The following AK8 variants were observed in gnomAD, a reference collection of about 807,000 sequenced individuals.
AK8 encodes ATP-AMP transphosphorylase 8.
Under a neutral mutation model 54.6 loss-of-function variants are expected in AK8, and 44 were observed. The observed-to-expected ratio is 0.81, with a 90% CI of 0.63 to 1.04. AK8 has a LOEUF of 1.04. Ranked by LOEUF, AK8 falls within the 50% of genes least tolerant of loss-of-function variation. AK8 has a pLI of 0.00. For missense variants in AK8, 555 were observed against 613.6 expected (o/e 0.90, Z 1.01); for synonymous variants, 239 against 245.6 (o/e 0.97, Z 0.25).
intron 9 of AK8, among the ~76,000 whole-genome samples, chr9:132,817,901 G>C (rs399049): frequency 0.2 from 30,989 of 152,098 alleles, 3,450 homozygotes; most frequent in East Asian, 0.44. Flanking sequence ...CACAAAGTAA[G>C]TCACACTTCG....
intron 5 of AK8, among the ~76,000 whole-genome samples, chr9:132,829,839 G>A (rs1842034948): frequency 6.6e-6 from 1 of 152,216 alleles, no homozygotes; most frequent in Non-Finnish European, 1.5e-5. Context: ...ACTGGCGTGA[G>A]CCACTGTGCC....
chr9:132,814,545 AT>A, intron 10 of AK8, 92 bp downstream of exon 10: 1 of 1,287,036 alleles, frequency 7.8e-7, no homozygotes, highest in Non-Finnish European at 1.1e-6. Context: ...GTTCTCCCCA[AT>A]TTTGAGCCCC....
rs775124995 is a variant in AK8 at position 132,791,486 on chromosome 9, C to T, written c.1121+1148G>A. ...ATTTCAATGGCAGTTTCTTTTTGTA[C>T]ATGATAAAATCATTATAGTGCTCGT... On this transcript the variant is annotated intron_variant, in intron 11 of 12. Transcript: ENST00000298545. The surrounding 1 kb of genome is among the most constrained non-coding windows in gnomAD (Gnocchi z 4.0). 2.6e-5 allele frequency among the ~76,000 whole-genome samples: 4 copies of T among 151,986 alleles called. No individual in the cohort carries two copies. The highest frequency in any genetic ancestry group is 4.8e-5 in the African/African-American group (2 of 41,348).
chr9:132,813,138 G>T (rs113198714), intron 10 of AK8, among the ~76,000 whole-genome samples: 1 of 99,144 alleles, frequency 1.0e-5, no homozygotes, highest in African/African-American at 4.0e-5. Context: ...GACCAGACCT[G>T]CTCACTGCCC....
At chr9:132,735,565 C>A (rs1554781624) in intron 11 of AK8, among the ~76,000 whole-genome samples, 2 of 151,866 alleles carry the variant, frequency 1.3e-5, no homozygotes, top group Admixed American at 1.3e-4. Context: ...AAAAAAAAAA[C>A]CCATAAAGTA....
intron 11 of AK8, among the ~76,000 whole-genome samples, chr9:132,735,428 C>A (rs551335369): frequency 2.0e-5 from 3 of 152,320 alleles, no homozygotes; most frequent in African/African-American, 7.2e-5. Flanking sequence ...GAGGCAGGGG[C>A]CTGACTGTGT....
chr9:132,799,749 G>A lies in AK8; in HGVS notation c.980-6974C>T, dbSNP rs1031764367. 7.8e-4 allele frequency among the ~76,000 whole-genome samples: 118 copies of A among 152,022 alleles called. No homozygotes were observed. The highest frequency in any genetic ancestry group is 2.5e-3 in the African/African-American group (103 of 41,472). The stretch of plus-strand genomic sequence containing the variant: ...GCAAACACACCTACATACCTACACC[G>A]CACCCACACTGCCTCTCCTCATCCC... On this transcript the variant is annotated intron_variant, in intron 10 of 12. Coordinates refer to ENST00000298545, the MANE Select transcript of AK8 (RefSeq NM_152572.3). This position sits in a 1 kb window ranked among gnomAD's most constrained non-coding sequence, Gnocchi z 5.0.
chr9:132,749,463 G>A (rs985021767), intron 11 of AK8, among the ~76,000 whole-genome samples: 2 of 151,846 alleles, frequency 1.3e-5, no homozygotes, highest in African/African-American at 2.4e-5. Context: ...CCCCGTGCCC[G>A]GCACTCTGTG....
intron 8 of AK8, among the ~76,000 whole-genome samples, chr9:132,824,608 G>A (rs1841798204): frequency 6.6e-6 from 1 of 152,216 alleles, no homozygotes; most frequent in South Asian, 2.1e-4. Context: ...CAACCGCAAG[G>A]TATGACAACC....
At chr9:132,872,284 T>A (rs573971386) in intron 2 of AK8, among the ~76,000 whole-genome samples, 13 of 152,250 alleles carry the variant, frequency 8.5e-5, no homozygotes, top group Admixed American at 2.6e-4. Flanking sequence ...TGTAATGGGC[T>A]GTAATCTCCC....
chr9:132,878,369 TA>T, upstream of AK8: 9 of 1,247,024 alleles, frequency 7.2e-6, no homozygotes, highest in Non-Finnish European at 8.1e-6. The surrounding 1 kb of genome is among the most constrained non-coding windows in gnomAD (Gnocchi z 4.7). Context: ...CGGGCCCAGA[TA>T]CCCGATCCTC....
At position 132,837,991 on chromosome 9, in the gene AK8, C is replaced by T. The variant is rs1842394089; in HGVS notation, c.403-9265G>A. 6.6e-6 allele frequency among the ~76,000 whole-genome samples: 1 copy of T among 152,204 alleles called. No individual in the cohort carries two copies. Among genetic ancestry groups the T allele is most frequent in the African/African-American group, 2.4e-5 (1 of 41,450 alleles). On this transcript the variant is annotated intron_variant, in intron 5 of 12. Coordinates refer to ENST00000298545, the MANE Select transcript of AK8 (RefSeq NM_152572.3). The surrounding 1 kb of genome is among the most constrained non-coding windows in gnomAD (Gnocchi z 4.3). ...CAGCAGAGCTGTGGATCAATAAAAC[C>T]GCACTCCTTGGAGGAGGCAAGTGAC...
chr9:132,866,775 TA>T, intron 3 of AK8, 128 bp downstream of exon 3: 1 of 914,064 alleles, frequency 1.1e-6, no homozygotes, highest in South Asian at 1.6e-5. Context: ...CCTTTTGTAA[TA>T]AGAAGGAGGA....
chr9:132,878,089 C>A lies in AK8; in HGVS notation c.84+83G>T. 6.5e-7 allele frequency: 1 copy of A among 1,534,680 alleles called. No individual in the cohort carries two copies. On this transcript the variant is annotated intron_variant, in intron 1 of 12. Coordinates refer to ENST00000298545, the MANE Select transcript of AK8 (RefSeq NM_152572.3). The surrounding 1 kb of genome is among the most constrained non-coding windows in gnomAD (Gnocchi z 4.7). ...TGGGCGCGCGACTCGGCCCCAGCTG[C>A]GGGTCCCGGCCGCGCACCCGACGTC...
chr9:132,807,521 C>T (rs865802560), intron 10 of AK8, among the ~76,000 whole-genome samples: 3 of 152,350 alleles, frequency 2.0e-5, no homozygotes, highest in Middle Eastern at 3.4e-3. Context: ...CCAAGCAACT[C>T]ATGAGAACGA....
At chr9:132,766,221 C>T (rs1370144730) in intron 11 of AK8, among the ~76,000 whole-genome samples, 7 of 152,190 alleles carry the variant, frequency 4.6e-5, no homozygotes, top group African/African-American at 1.4e-4. Context: ...AAGCAATCCT[C>T]CCACCTCAGC....
chr9:132,797,225 T>C (rs574344222), intron 10 of AK8, among the ~76,000 whole-genome samples: 1 of 147,456 alleles, frequency 6.8e-6, no homozygotes, highest in Admixed American at 6.7e-5. Context: ...ATCCCCCCAG[T>C]AGGGTCAGGC....
intron 5 of AK8, among the ~76,000 whole-genome samples, chr9:132,847,941 G>A (rs117561717): frequency 0.05 from 7,521 of 151,780 alleles, 263 homozygotes; most frequent in Non-Finnish European, 0.074. Context: ...GGGAGACCAC[G>A]ACTCTACAAA....
At chr9:132,725,992 C>A (rs1836549579) in intron 12 of AK8, 67 bp from the exon 13 acceptor site, 15 of 1,463,384 alleles carry the variant, frequency 1.0e-5, no homozygotes, top group Non-Finnish European at 1.4e-5. Context: ...AAGGGACCCT[C>A]TACTCTACTG....
Sources: allele counts gnomAD v4.1 joint callset (sites outside exome capture counted in the v4.1 genomes callset), GRCh38; gene constraint gnomAD v4.1.1; non-coding constraint Gnocchi (gnomAD v3.1); transcripts MANE v1.5; gene names NCBI Gene and HGNC (gene_info 2026-07-23, HGNC 2026-07-21).